WWOX: variants seen among roughly 807,000 people sequenced by gnomAD.
WWOX encodes WW domain-containing oxidoreductase.
WWOX carries 69 observed loss-of-function variants against 46.2 expected under a neutral mutation model. The observed-to-expected ratio is 1.49, with a 90% CI of 1.23 to 1.82. WWOX has a LOEUF of 1.82. WWOX is among the 40% of genes most tolerant of loss of function. The pLI, the probability that WWOX is intolerant of heterozygous loss-of-function variation, is 0.00. For missense variants in WWOX, 919 were observed against 542.6 expected (o/e 1.69, Z -6.89); for synonymous variants, 359 against 202.6 (o/e 1.77, Z -6.56).
intron 8 of WWOX, among the ~76,000 whole-genome samples, chr16:78,566,140 G>T (rs559694590): frequency 6.6e-6 from 1 of 152,062 alleles, no homozygotes; most frequent in African/African-American, 2.4e-5. Flanking sequence ...GCAGAGAGAG[G>T]AAGGGGTCTG....
chr16:79,070,597 A>G (rs1038061316), intron 8 of WWOX, among the ~76,000 whole-genome samples: 2 of 152,176 alleles, frequency 1.3e-5, no homozygotes, highest in African/African-American at 2.4e-5. Context: ...GGACTGGTGC[A>G]GCAGGTAGGC....
chr16:78,887,385 A>G (rs781643494), intron 8 of WWOX, among the ~76,000 whole-genome samples: 1 of 151,548 alleles, frequency 6.6e-6, no homozygotes, highest in Non-Finnish European at 1.5e-5. Context: ...TATTCAGTGC[A>G]TTCGCTTCCA....
intron 8 of WWOX, among the ~76,000 whole-genome samples, chr16:78,513,018 C>T (rs956199916): frequency 6.6e-6 from 1 of 152,144 alleles, no homozygotes; most frequent in African/African-American, 2.4e-5. Context: ...GTGGACCTTT[C>T]ATTAGGACAA....
chr16:79,037,645 A>G (rs986442582), intron 8 of WWOX, among the ~76,000 whole-genome samples: 16 of 152,016 alleles, frequency 1.1e-4, no homozygotes, highest in African/African-American at 3.9e-4. Context: ...CACCCTCCCA[A>G]CCTCCTGCAA....
chr16:78,932,769 G>T (rs2045651968), intron 8 of WWOX, among the ~76,000 whole-genome samples: 1 of 152,322 alleles, frequency 6.6e-6, no homozygotes, highest in South Asian at 2.1e-4. Context: ...GACCTTCCCA[G>T]AAGAGAGATG....
At chr16:78,997,940 G>A (rs556634049) in intron 8 of WWOX, among the ~76,000 whole-genome samples, 10 of 152,032 alleles carry the variant, frequency 6.6e-5, no homozygotes, top group South Asian at 6.2e-4. Context: ...ACAATGGCGC[G>A]ATCTCAGCTC....
intron 8 of WWOX, among the ~76,000 whole-genome samples, chr16:79,144,249 C>G (rs1371921608): frequency 1.3e-5 from 2 of 152,174 alleles, no homozygotes; most frequent in African/African-American, 4.8e-5. Flanking sequence ...CCCAGCTCTC[C>G]AATCCCCCAG....
At chr16:79,070,173 C>T (rs2048522128) in intron 8 of WWOX, among the ~76,000 whole-genome samples, 1 of 152,090 alleles carries the variant, frequency 6.6e-6, no homozygotes, top group Non-Finnish European at 1.5e-5. Flanking sequence ...AGGTCAGCTG[C>T]AGTGCCTAAT....
At chr16:79,083,960 T>G (rs2150586552) in intron 8 of WWOX, among the ~76,000 whole-genome samples, 1 of 152,362 alleles carries the variant, frequency 6.6e-6, no homozygotes, top group Non-Finnish European at 1.5e-5. Flanking sequence ...AAAGAATTTC[T>G]GACTCCCGAT....
At chr16:79,184,812 G>A (rs2050981582) in intron 8 of WWOX, among the ~76,000 whole-genome samples, 1 of 152,188 alleles carries the variant, frequency 6.6e-6, no homozygotes. Flanking sequence ...ATTTAGTTCT[G>A]ATTTCCCCAT....
intron 8 of WWOX, among the ~76,000 whole-genome samples, chr16:78,586,615 C>T (rs915293434): frequency 6.6e-6 from 1 of 152,188 alleles, no homozygotes; most frequent in South Asian, 2.1e-4. Context: ...TCAATGTAAC[C>T]AAGTCACAAT....
chr16:78,291,600 T>C (rs1369684464), intron 5 of WWOX, among the ~76,000 whole-genome samples: 1 of 152,158 alleles, frequency 6.6e-6, no homozygotes, highest in African/African-American at 2.4e-5. Context: ...ACCATGAAAA[T>C]TGCCTTCTGG....
At chr16:78,397,381 C>G (rs899222430) in intron 6 of WWOX, among the ~76,000 whole-genome samples, 7 of 152,142 alleles carry the variant, frequency 4.6e-5, no homozygotes, top group African/African-American at 1.2e-4. Context: ...TATAATGACT[C>G]TAAGAGTGGG....
chr16:78,255,996 A>G (rs888671214), intron 5 of WWOX, among the ~76,000 whole-genome samples: 1 of 151,838 alleles, frequency 6.6e-6, no homozygotes, highest in Non-Finnish European at 1.5e-5. Context: ...TTAAAAATAC[A>G]TAAATTAGTC....
At chr16:78,821,728 C>T (rs1049083729) in intron 8 of WWOX, among the ~76,000 whole-genome samples, 1 of 152,204 alleles carries the variant, frequency 6.6e-6, no homozygotes, top group Non-Finnish European at 1.5e-5. Context: ...AAACCCAAGT[C>T]TATTTCTGAG....
At chr16:78,683,456 C>T (rs1046430891) in intron 8 of WWOX, among the ~76,000 whole-genome samples, 1 of 151,862 alleles carries the variant, frequency 6.6e-6, no homozygotes, top group Non-Finnish European at 1.5e-5. Context: ...ACTAGTATCA[C>T]TTGAACCGGG....
intron 8 of WWOX, among the ~76,000 whole-genome samples, chr16:79,022,090 G>A (rs2047545327): frequency 6.6e-6 from 1 of 152,212 alleles, no homozygotes; most frequent in Non-Finnish European, 1.5e-5. Flanking sequence ...TACCCTCTGG[G>A]CAGAGGAAAC....
chr16:78,503,596 A>G lies in WWOX; in HGVS notation c.1056+70844A>G, dbSNP rs189024062. 8.7e-4 allele frequency: 132 copies of G among 152,342 alleles called. 1 individual carries two copies. The highest frequency in any genetic ancestry group is 8.5e-3 in the Admixed American group (130 of 15,294). 9.4% of individuals were successfully genotyped at this position (152,342 alleles called of 1,614,324 possible). On this transcript the variant is annotated intron_variant, in intron 8 of 8. Transcript: ENST00000566780. Reference sequence around the variant, plus strand: ...TTGTCTTTGCATTTTTAAAACTGAAAGAACATTTCCACACCATTAGAAATA... The same window carrying G: ...TTGTCTTTGCATTTTTAAAACTGAAGGAACATTTCCACACCATTAGAAATA...
At chr16:78,801,615 C>G (rs1027220889) in intron 8 of WWOX, among the ~76,000 whole-genome samples, 2 of 152,154 alleles carry the variant, frequency 1.3e-5, no homozygotes, top group African/African-American at 4.8e-5. Flanking sequence ...AGCTCTCACC[C>G]CACATTAACA....
Sources: gnomAD v4.1 joint callset for allele counts (sites outside exome capture counted in the v4.1 genomes callset) on GRCh38, gnomAD v4.1.1 for gene constraint, MANE v1.5 for transcripts, NCBI Gene and HGNC (gene_info 2026-07-23, HGNC 2026-07-21) for gene names.